Variants in MACROD2 observed in about 807,000 individuals in gnomAD.
MACROD2 encodes the protein mono-ADP ribosylhydrolase 2.
Under a neutral mutation model 70.4 loss-of-function variants are expected in MACROD2, and 36 were observed. The observed-to-expected ratio is 0.51, with a 90% CI of 0.39 to 0.68. MACROD2 has a LOEUF of 0.68. MACROD2 is among the 30% of genes least tolerant of loss of function. The probability of loss-of-function intolerance (pLI) is 0.00; values close to 1 mark genes in which losing one functional copy is unlikely to be tolerated. For missense variants in MACROD2, 496 were observed against 538.4 expected (o/e 0.92, Z 0.78); for synonymous variants, 172 against 178.8 (o/e 0.96, Z 0.30).
intron 4 of MACROD2, among the ~76,000 whole-genome samples, chr20:14,600,174 T>C (rs188008419): frequency 5.9e-5 from 9 of 152,160 alleles, no homozygotes; most frequent in African/African-American, 9.6e-5. Flanking sequence ...TGGATGTGAC[T>C]AATCGGATGT....
chr20:15,871,407 A>G lies in MACROD2; in HGVS notation c.727+8581A>G, dbSNP rs1384221737. Among the ~76,000 whole-genome samples the G allele has an allele frequency of 5.3e-5, 8 of 152,040 alleles. No individual in the cohort carries two copies. In the East Asian group the frequency reaches 5.8e-4, roughly 11 times the overall value. ...CTGATTTTATAAGTTTATCTCATCC[A>G]TTATCATTCATTATCTTTCTATCAG... On this transcript the variant is annotated intron_variant, in intron 9 of 17. Coordinates refer to ENST00000684519, the MANE Select transcript of MACROD2 (RefSeq NM_001351661.2).
chr20:15,383,224 T>C (rs2045668104), intron 6 of MACROD2, among the ~76,000 whole-genome samples: 2 of 152,234 alleles, frequency 1.3e-5, no homozygotes, highest in African/African-American at 4.8e-5. Context: ...CCCACATATT[T>C]TCCAGAATAA....
chr20:15,152,998 G>A lies in MACROD2; in HGVS notation c.419-76942G>A, dbSNP rs183152642. ...TTGGAGAAGAGAGTAAAAAGAGGCC[G>A]CTTACCGGATTTGAAATTGGTAAGA... On this transcript the variant is annotated intron_variant, in intron 5 of 17. Transcript: ENST00000684519. 2.7e-4 allele frequency among the ~76,000 whole-genome samples: 41 copies of A among 152,200 alleles called. No individual in the cohort carries two copies. In the East Asian group the frequency reaches 3.9e-3, roughly 14 times the overall value.
At chr20:14,546,893 A>G (rs2085496882) in intron 4 of MACROD2, among the ~76,000 whole-genome samples, 1 of 151,928 alleles carries the variant, frequency 6.6e-6, no homozygotes, top group Admixed American at 6.6e-5. Context: ...GTGTTAGCTT[A>G]TAGTAGGTGC....
At chr20:15,510,681 T>C (rs185271303) in intron 8 of MACROD2, among the ~76,000 whole-genome samples, 2 of 152,248 alleles carry the variant, frequency 1.3e-5, no homozygotes, top group Admixed American at 6.5e-5. Context: ...GAAAACCAAA[T>C]AGGTCTGGCA....
chr20:15,879,551 T>G (rs1468316186), intron 9 of MACROD2, among the ~76,000 whole-genome samples: 1 of 152,192 alleles, frequency 6.6e-6, no homozygotes, highest in African/African-American at 2.4e-5. Flanking sequence ...TTTATAATTT[T>G]CAGTAAATTT....
intron 4 of MACROD2, among the ~76,000 whole-genome samples, chr20:14,645,811 A>C (rs2123500350): frequency 6.6e-6 from 1 of 152,126 alleles, no homozygotes; most frequent in African/African-American, 2.4e-5. Context: ...TAACAGAGAG[A>C]TCACATTCTC....
chr20:15,939,025 G>A (rs2065709935), intron 12 of MACROD2, among the ~76,000 whole-genome samples: 1 of 152,224 alleles, frequency 6.6e-6, no homozygotes, highest in Non-Finnish European at 1.5e-5. Context: ...AGAGAAGTGA[G>A]AAAGCTGCAA....
rs2072967543 is a variant in MACROD2, at chr20:14,831,671, T to G, written c.418+146712T>G. On this transcript the variant is annotated intron_variant, in intron 5 of 17. Coordinates refer to ENST00000684519, the MANE Select transcript of MACROD2 (RefSeq NM_001351661.2). ...GGCGGGCGCTTGTAATCCCGGCTACTCAGGAGGCTGAGGCAGGAGAATCGC... is the reference window on the plus strand; with the variant it reads ...GGCGGGCGCTTGTAATCCCGGCTACGCAGGAGGCTGAGGCAGGAGAATCGC... Among the ~76,000 whole-genome samples the G allele has an allele frequency of 1.4e-5, 2 of 147,002 alleles. 1 individual carries two copies. Among genetic ancestry groups the G allele is most frequent in the Non-Finnish European group, 3.0e-5 (2 of 67,346 alleles).
chr20:15,601,227 A>G (rs1244125295), intron 8 of MACROD2, among the ~76,000 whole-genome samples: 1 of 152,136 alleles, frequency 6.6e-6, no homozygotes, highest in Non-Finnish European at 1.5e-5. Context: ...GGAGCTGTCT[A>G]TTGGACTGTC....
intron 8 of MACROD2, among the ~76,000 whole-genome samples, chr20:15,664,854 A>G (rs1232711456): frequency 6.6e-6 from 1 of 152,060 alleles, no homozygotes; most frequent in East Asian, 1.9e-4. Context: ...GGGGAGGTAT[A>G]CTCCACCTTC....
At chr20:14,150,510 G>A (rs1362253644) in intron 3 of MACROD2, among the ~76,000 whole-genome samples, 1 of 152,142 alleles carries the variant, frequency 6.6e-6, no homozygotes, top group Non-Finnish European at 1.5e-5. Context: ...AATGCAAGCA[G>A]TACTTTTTCC....
intron 3 of MACROD2, among the ~76,000 whole-genome samples, chr20:14,313,237 T>C (rs1278382659): frequency 1.3e-5 from 2 of 152,190 alleles, no homozygotes; most frequent in African/African-American, 4.8e-5. Context: ...CATTAAAGGA[T>C]AGTATAGTTG....
chr20:14,036,261 C>A (rs1009129478), intron 2 of MACROD2, among the ~76,000 whole-genome samples: 1 of 152,182 alleles, frequency 6.6e-6, no homozygotes, highest in African/African-American at 2.4e-5. Context: ...GTGAGATTTA[C>A]TGAAACTAAC....
intron 3 of MACROD2, among the ~76,000 whole-genome samples, chr20:14,432,233 C>G (rs1240239790): frequency 1.3e-5 from 2 of 152,136 alleles, no homozygotes; most frequent in Non-Finnish European, 2.9e-5. Context: ...GTCTCACTTA[C>G]AGTCCTCTCT....
intron 6 of MACROD2, among the ~76,000 whole-genome samples, chr20:15,302,794 G>A (rs954283436): frequency 6.6e-6 from 1 of 152,126 alleles, no homozygotes; most frequent in African/African-American, 2.4e-5. Flanking sequence ...CTTCCTCAAA[G>A]CATTATAGTC....
intron 5 of MACROD2, among the ~76,000 whole-genome samples, chr20:15,217,068 G>A (rs1357972822): frequency 1.3e-5 from 2 of 151,936 alleles, no homozygotes; most frequent in Admixed American, 1.3e-4. Flanking sequence ...TACACCACCC[G>A]CAACAACAAA....
intron 5 of MACROD2, among the ~76,000 whole-genome samples, chr20:15,115,337 C>A (rs1022983977): frequency 1.3e-5 from 2 of 152,090 alleles, no homozygotes; most frequent in Non-Finnish European, 2.9e-5. Flanking sequence ...TCAAGTGATT[C>A]TCCTGCCTCA....
Position 15,794,919 on chromosome 20 carries a change from C to A in MACROD2, c.646-67826C>A, listed in dbSNP as rs911813413. Among the ~76,000 whole-genome samples, 8 of 152,242 alleles carry A rather than the reference C, an allele frequency of 5.3e-5. No homozygotes were observed. The South Asian group carries it at 6.2e-4, about 12-fold the overall frequency. ...TATTAAAAAGAATTGAACCCCGTGG[C>A]TAGTTCCTATGAATGTTGAATAAGT... On this transcript the variant is annotated intron_variant, in intron 8 of 17. Coordinates refer to ENST00000684519, the MANE Select transcript of MACROD2 (RefSeq NM_001351661.2).
Sources: allele counts gnomAD v4.1 joint callset (sites outside exome capture counted in the v4.1 genomes callset), GRCh38; gene constraint gnomAD v4.1.1; transcripts MANE v1.5; gene names NCBI Gene and HGNC (gene_info 2026-07-23, HGNC 2026-07-21).